GALNT14: variants seen among roughly 807,000 people sequenced by gnomAD.
GALNT14 encodes the protein polypeptide N-acetylgalactosaminyltransferase 14, also known as UDP-GalNAc:polypeptide N-acetylgalactosaminyltransferase 14.
A neutral mutation model predicts 77.5 loss-of-function variants in GALNT14; 60 were observed. That is an observed-to-expected ratio of 0.77 (90% CI 0.63 to 0.96). The LOEUF (loss-of-function observed/expected upper bound fraction) is 0.96, where lower values mean the gene tolerates loss of function less well. Among genes scored for constraint, GALNT14 ranks in the 40% least tolerant of loss-of-function variants. The pLI is 0.00. For synonymous variants in GALNT14, 280 were observed against 281.7 expected, an observed-to-expected ratio of 0.99 and a Z score of 0.06; for missense variants, 710 against 731.0, an observed-to-expected ratio of 0.97 and a Z score of 0.33.
At chr2:30,983,222 G>T (rs775565995) in intron 2 of GALNT14, among the ~76,000 whole-genome samples, 1 of 152,140 alleles carries the variant, frequency 6.6e-6, no homozygotes, top group Admixed American at 6.5e-5. Flanking sequence ...AGGGGCCTGG[G>T]GAGGGTAGTA....
chr2:31,000,178 C>T (rs2148418937), intron 1 of GALNT14, among the ~76,000 whole-genome samples: 1 of 151,926 alleles, frequency 6.6e-6, no homozygotes, highest in South Asian at 2.1e-4. Flanking sequence ...GGGTCTGTGC[C>T]ACCATCTCTC....
At chr2:31,041,429 G>C (rs1466532783) in intron 1 of GALNT14, among the ~76,000 whole-genome samples, 1 of 152,166 alleles carries the variant, frequency 6.6e-6, no homozygotes, top group Non-Finnish European at 1.5e-5. Flanking sequence ...GAGCAGAATG[G>C]GGTGGTCTGA....
intron 1 of GALNT14, among the ~76,000 whole-genome samples, chr2:31,064,564 G>C (rs1674812311): frequency 6.6e-6 from 1 of 152,202 alleles, no homozygotes; most frequent in Non-Finnish European, 1.5e-5. Context: ...AATTCCCTTA[G>C]ATTATTCCAT....
At chr2:31,017,358 T>C (rs1480544563) in intron 1 of GALNT14, among the ~76,000 whole-genome samples, 1 of 152,170 alleles carries the variant, frequency 6.6e-6, no homozygotes, top group African/African-American at 2.4e-5. Context: ...GCCCTTCCAA[T>C]ATGAATTCTC....
At chr2:30,989,248 C>T (rs753822534) in intron 2 of GALNT14, among the ~76,000 whole-genome samples, 1 of 152,098 alleles carries the variant, frequency 6.6e-6, no homozygotes, top group African/African-American at 2.4e-5. Context: ...ACCCCACACT[C>T]ATGGGGATTT....
chr2:30,898,394 C>T, the GALNT14 span, among the ~76,000 whole-genome samples: 2 of 152,166 alleles, frequency 1.3e-5, no homozygotes, highest in Non-Finnish European at 2.9e-5. Flanking sequence ...TTAATCCTCA[C>T]GATGAACTAC....
chr2:31,045,537 A>G (rs1255020373), intron 1 of GALNT14, among the ~76,000 whole-genome samples: 1 of 152,094 alleles, frequency 6.6e-6, no homozygotes, highest in Non-Finnish European at 1.5e-5. Context: ...ACCTCGGCTC[A>G]CTGCAACCTC....
chr2:31,055,422 A>G (rs1445820283), intron 1 of GALNT14, among the ~76,000 whole-genome samples: 1 of 152,238 alleles, frequency 6.6e-6, no homozygotes, highest in Non-Finnish European at 1.5e-5. Context: ...ATTTCACTTG[A>G]TCAAATGACT....
chr2:31,043,016 G>A (rs962767592), intron 1 of GALNT14, among the ~76,000 whole-genome samples: 2 of 152,080 alleles, frequency 1.3e-5, no homozygotes, highest in Non-Finnish European at 2.9e-5. Flanking sequence ...ACGGTCACCT[G>A]TCTCACCTCA....
chr2:30,888,114 G>T, the GALNT14 span, among the ~76,000 whole-genome samples: 1 of 152,180 alleles, frequency 6.6e-6, no homozygotes, highest in Non-Finnish European at 1.5e-5. Flanking sequence ...GACTCCACTA[G>T]ATGGGGCTTC....
intron 1 of GALNT14, among the ~76,000 whole-genome samples, chr2:31,073,395 C>T (rs1675547286): frequency 6.6e-6 from 1 of 151,882 alleles, no homozygotes; most frequent in Admixed American, 6.6e-5. Flanking sequence ...AGATTTTGCC[C>T]TTGTGGACCT....
At chr2:31,130,831 T>A (rs545278331) in intron 1 of GALNT14, among the ~76,000 whole-genome samples, 1 of 151,838 alleles carries the variant, frequency 6.6e-6, no homozygotes, top group Non-Finnish European at 1.5e-5. Flanking sequence ...TGTGTGTTCA[T>A]GTTCTTCGGT....
intron 1 of GALNT14, among the ~76,000 whole-genome samples, chr2:31,015,932 C>G (rs947102047): frequency 2.6e-5 from 4 of 152,178 alleles, no homozygotes; most frequent in Non-Finnish European, 5.9e-5. Flanking sequence ...GCTGCCTAAA[C>G]GAGACCTTGA....
At chr2:31,123,447 G>T (rs946484063) in intron 1 of GALNT14, among the ~76,000 whole-genome samples, 1 of 152,098 alleles carries the variant, frequency 6.6e-6, no homozygotes, top group Admixed American at 6.6e-5. Flanking sequence ...ATAAAAGTGG[G>T]TTGCTCAGCC....
chr2:31,014,898 A>G (rs1284861247), intron 1 of GALNT14, among the ~76,000 whole-genome samples: 1 of 152,224 alleles, frequency 6.6e-6, no homozygotes, highest in Admixed American at 6.5e-5. Flanking sequence ...AACATGAGAC[A>G]GAAGTGTAAA....
intron 1 of GALNT14, among the ~76,000 whole-genome samples, chr2:31,124,429 CAG>C (rs1558584561): frequency 6.6e-6 from 1 of 152,114 alleles, no homozygotes; most frequent in Admixed American, 6.5e-5. Flanking sequence ...TTAAATTTAC[CAG>C]GCGTTGTTCT....
chr2:30,939,812 C>T (rs896647743), intron 9 of GALNT14, among the ~76,000 whole-genome samples: 19 of 152,042 alleles, frequency 1.2e-4, no homozygotes, highest in Admixed American at 1.1e-3. Context: ...CCCTTAGTGC[C>T]ATCTCCCCTT....
chr2:31,045,174 C>A (rs945375953), intron 1 of GALNT14, among the ~76,000 whole-genome samples: 1 of 152,066 alleles, frequency 6.6e-6, no homozygotes, highest in Non-Finnish European at 1.5e-5. Context: ...TGATCTGGGG[C>A]GTTCAGGAAG....
intron 2 of GALNT14, among the ~76,000 whole-genome samples, chr2:30,992,141 A>T (rs936167028): frequency 2.0e-5 from 3 of 152,168 alleles, no homozygotes; most frequent in African/African-American, 7.2e-5. Context: ...AGGTCTTACC[A>T]GGGAGCATAA....
Sources: allele counts gnomAD v4.1 joint callset (sites outside exome capture counted in the v4.1 genomes callset), GRCh38; gene constraint gnomAD v4.1.1; transcripts MANE v1.5; gene names NCBI Gene and HGNC (gene_info 2026-07-23, HGNC 2026-07-21).